MTM1: variants seen among roughly 807,000 people sequenced by gnomAD.
MTM1 encodes the protein myotubularin 1.
A neutral mutation model predicts 52.1 loss-of-function variants in MTM1; 9 were observed. That is an observed-to-expected ratio of 0.17 (90% CI 0.10 to 0.30). MTM1 has a LOEUF of 0.30. Among genes scored for constraint, MTM1 ranks in the 10% least tolerant of loss-of-function variants. The pLI is 1.00. For missense variants in MTM1, 277 were observed against 470.7 expected, an observed-to-expected ratio of 0.59 and a Z score of 3.81; for synonymous variants, 136 against 163.8, an observed-to-expected ratio of 0.83 and a Z score of 1.29.
chrX:150,651,073 A>G (rs1158999894), intron 10 of MTM1, among the ~76,000 whole-genome samples: 1 of 112,133 alleles, frequency 8.9e-6, no homozygotes, highest in African/African-American at 3.2e-5. Flanking sequence ...TGACTTTGCT[A>G]TACATTATGT....
intron 1 of MTM1, among the ~76,000 whole-genome samples, chrX:150,573,814 C>T (rs1267774643): frequency 8.9e-6 from 1 of 112,122 alleles, no homozygotes; most frequent in Non-Finnish European, 1.9e-5. Context: ...AGCTCTTTTA[C>T]TGAAATAAGA....
At chrX:150,597,892 G>A (rs782256376) in intron 3 of MTM1, among the ~76,000 whole-genome samples, 1 of 111,051 alleles carries the variant, frequency 9.0e-6, no homozygotes, top group Non-Finnish European at 1.9e-5. Flanking sequence ...TTGGAGACCA[G>A]CCTGGGCAAC....
intron 1 of MTM1, among the ~76,000 whole-genome samples, chrX:150,585,759 G>T (rs904957824): frequency 8.9e-6 from 1 of 112,168 alleles, no homozygotes; most frequent in Non-Finnish European, 1.9e-5. Flanking sequence ...AATGTGTGCA[G>T]TATTGCTAGG....
chrX:150,640,908 G>A (rs1186208194), intron 7 of MTM1, among the ~76,000 whole-genome samples: 2 of 110,924 alleles, frequency 1.8e-5, no homozygotes, highest in African/African-American at 3.3e-5. Flanking sequence ...ATGAAGCAGG[G>A]TATTTTTTTA....
intron 4 of MTM1, among the ~76,000 whole-genome samples, chrX:150,612,631 G>A (rs1557413008): frequency 1.8e-5 from 2 of 111,397 alleles, no homozygotes; most frequent in Non-Finnish European, 3.8e-5. Context: ...GATCACTCGA[G>A]CCCAGGAGTT....
At chrX:150,625,547 C>G (rs1342027155) in intron 6 of MTM1, among the ~76,000 whole-genome samples, 1 of 111,743 alleles carries the variant, frequency 8.9e-6, no homozygotes, top group Admixed American at 9.4e-5. Flanking sequence ...AGCATGTGAC[C>G]TAGAAGGGTG....
intron 4 of MTM1, among the ~76,000 whole-genome samples, chrX:150,602,671 T>C (rs1302662261): frequency 8.9e-6 from 1 of 112,114 alleles, no homozygotes; most frequent in African/African-American, 3.2e-5. Flanking sequence ...TGGGTTAATG[T>C]TGTGACTATA....
chrX:150,593,597 G>A (rs2038924389), intron 2 of MTM1, among the ~76,000 whole-genome samples: 1 of 111,750 alleles, frequency 8.9e-6, no homozygotes, highest in African/African-American at 3.3e-5. Flanking sequence ...AGATGCCTAA[G>A]CAATCAGAAG....
chrX:150,667,904 A>T (rs1222288037), intron 14 of MTM1, among the ~76,000 whole-genome samples: 1 of 112,320 alleles, frequency 8.9e-6, no homozygotes, highest in African/African-American at 3.2e-5. Flanking sequence ...AAGGACAGCG[A>T]CCCACAGCCT....
chrX:150,651,323 G>T (rs1216996437), intron 10 of MTM1, among the ~76,000 whole-genome samples: 1 of 111,254 alleles, frequency 9.0e-6, no homozygotes, highest in Admixed American at 9.6e-5. Flanking sequence ...ACATTGTACA[G>T]TATACTAGTC....
At chrX:150,570,691 A>G (rs928153198) in intron 1 of MTM1, among the ~76,000 whole-genome samples, 3 of 112,023 alleles carry the variant, frequency 2.7e-5, no homozygotes, top group African/African-American at 9.8e-5. Context: ...ACCTTGCACA[A>G]GGGTTTCTCT....
intron 9 of MTM1, among the ~76,000 whole-genome samples, chrX:150,649,382 A>C (rs2039983810): frequency 8.9e-6 from 1 of 112,769 alleles, no homozygotes; most frequent in Admixed American, 9.4e-5. Context: ...TTAGAGATAC[A>C]AAACTAATGG....
chrX:150,603,356 G>A (rs1381574530), intron 4 of MTM1, among the ~76,000 whole-genome samples: 1 of 111,838 alleles, frequency 8.9e-6, no homozygotes, highest in Non-Finnish European at 1.9e-5. Flanking sequence ...CACAGACAAT[G>A]ACATATCCAA....
intron 1 of MTM1, chrX:150,590,971 T>G: frequency 1.5e-6 from 1 of 680,014 alleles, no homozygotes; most frequent in Non-Finnish European, 1.8e-6. Flanking sequence ...TCTGACTTGC[T>G]CCATAGTTCA....
At chrX:150,593,990 G>T (rs2038933577) in intron 2 of MTM1, among the ~76,000 whole-genome samples, 1 of 110,847 alleles carries the variant, frequency 9.0e-6, no homozygotes, top group African/African-American at 3.3e-5. Flanking sequence ...AAGTGTGTTT[G>T]TTATTAGTTT....
At chrX:150,667,867 G>A (rs1160405917) in intron 14 of MTM1, among the ~76,000 whole-genome samples, 1 of 112,456 alleles carries the variant, frequency 8.9e-6, no homozygotes, top group East Asian at 2.8e-4. Flanking sequence ...TTGGCTGCCT[G>A]TAGTGGGTAG....
At chrX:150,625,402 T>C in intron 6 of MTM1, among the ~76,000 whole-genome samples, 1 of 111,626 alleles carries the variant, frequency 9.0e-6, no homozygotes, top group Non-Finnish European at 1.9e-5. Context: ...ATTAATAAAG[T>C]AATCGTGATA....
intron 13 of MTM1, among the ~76,000 whole-genome samples, chrX:150,661,581 A>G (rs1044306802): frequency 1.2e-4 from 13 of 112,144 alleles, no homozygotes; most frequent in Non-Finnish European, 1.9e-5. Context: ...GTACCTATAT[A>G]CAGTAGACTA....
chrX:150,661,930 CA>C (rs781913084), intron 13 of MTM1, among the ~76,000 whole-genome samples: 7 of 110,883 alleles, frequency 6.3e-5, no homozygotes, highest in Non-Finnish European at 9.5e-5. Flanking sequence ...GTTCTCACTG[CA>C]AAAAAAATTG....
Sources: gnomAD v4.1 joint callset for allele counts (sites outside exome capture counted in the v4.1 genomes callset) on GRCh38, gnomAD v4.1.1 for gene constraint, MANE v1.5 for transcripts, NCBI Gene and HGNC (gene_info 2026-07-23, HGNC 2026-07-21) for gene names.